The following TULP4 variants were observed in gnomAD, a reference collection of about 807,000 sequenced individuals.
The protein encoded by TULP4 is TUB like protein 4, also known as tubby-related protein 4.
A neutral mutation model predicts 129.0 loss-of-function variants in TULP4; 16 were observed. That is an observed-to-expected ratio of 0.12 (90% CI 0.08 to 0.19). The LOEUF is 0.19. Among genes scored for constraint, TULP4 ranks in the 10% least tolerant of loss-of-function variants. TULP4 has a pLI of 1.00. For synonymous variants in TULP4, 998 were observed against 854.0 expected (o/e 1.17, Z -2.94); for missense variants, 1,842 against 2,059.1 (o/e 0.89, Z 2.04).
chr6:158,424,017 A>G (rs992240614), intron 2 of TULP4, among the ~76,000 whole-genome samples: 2 of 152,146 alleles, frequency 1.3e-5, no homozygotes, highest in Non-Finnish European at 2.9e-5. Context: ...TGAAGTACAC[A>G]TATCTGATAA....
chr6:158,486,422 G>A (rs916342083), intron 8 of TULP4, among the ~76,000 whole-genome samples: 2 of 152,042 alleles, frequency 1.3e-5, no homozygotes, highest in Non-Finnish European at 2.9e-5. Context: ...GCGTGGTGGC[G>A]GGTGCATGTA....
chr6:158,266,589 A>T (rs1482413424), intron 1 of TULP4, among the ~76,000 whole-genome samples: 1 of 152,204 alleles, frequency 6.6e-6, no homozygotes, highest in African/African-American at 2.4e-5. Context: ...TAAAGTATAT[A>T]GTTGGCTCTA....
chr6:158,359,406 G>T (rs542135117), intron 1 of TULP4, among the ~76,000 whole-genome samples: 17 of 152,250 alleles, frequency 1.1e-4, no homozygotes, highest in East Asian at 9.7e-4. Flanking sequence ...TAACTCACAC[G>T]ATCACAAGGT....
intron 1 of TULP4, among the ~76,000 whole-genome samples, chr6:158,381,268 G>T (rs968166260): frequency 6.6e-6 from 1 of 151,624 alleles, no homozygotes; most frequent in Non-Finnish European, 1.5e-5. Flanking sequence ...AATATCATCT[G>T]AGCGTCTGTT....
Position 158,461,584 on chromosome 6 carries a change from C to T in TULP4, c.881C>T (p.Thr294Ile), listed in dbSNP as rs1316703125. ...TCAGAGGTGGTAGCCCAGTGGTGCA[C>T]ACAGGGGGACTTGCTGGCAGTCGCT... ...GLKEVVAQWC[T>I]QGDLLAVAGM... Residue 294 changes from threonine (T) to isoleucine (I), a missense_variant, in exon 6 of 14, where the codon ACA becomes ATA. Thr to Ile is a moderately conservative substitution (Grantham distance 89). Coordinates refer to ENST00000367097, the MANE Select transcript of TULP4 (RefSeq NM_020245.5). The T allele has an allele frequency of 6.2e-7, 1 of 1,613,628 alleles. No individual in the cohort carries two copies. Among genetic ancestry groups the T allele is most frequent in the Non-Finnish European group, 8.5e-7 (1 of 1,179,814 alleles).
chr6:158,421,683 T>C (rs902210033), intron 2 of TULP4, among the ~76,000 whole-genome samples: 2 of 152,210 alleles, frequency 1.3e-5, no homozygotes, highest in Non-Finnish European at 2.9e-5. Context: ...AGAGATTCTT[T>C]ACAGATGCAA....
chr6:158,462,806 G>A (rs1224807175), intron 6 of TULP4, among the ~76,000 whole-genome samples: 3 of 144,204 alleles, frequency 2.1e-5, no homozygotes, highest in Non-Finnish European at 3.0e-5. Flanking sequence ...CTGGAGTGCA[G>A]TGGCGCCATC....
At chr6:158,366,665 C>T (rs1450815713) in intron 1 of TULP4, among the ~76,000 whole-genome samples, 1 of 152,190 alleles carries the variant, frequency 6.6e-6, no homozygotes, top group Non-Finnish European at 1.5e-5. Flanking sequence ...TGTTGTTGTA[C>T]CATGTGTCTT....
chr6:158,359,893 C>G (rs1029224166), intron 1 of TULP4, among the ~76,000 whole-genome samples: 1 of 152,110 alleles, frequency 6.6e-6, no homozygotes, highest in Non-Finnish European at 1.5e-5. Context: ...TGGGCCTGTC[C>G]CTGTGGACTG....
intron 5 of TULP4, among the ~76,000 whole-genome samples, chr6:158,456,582 C>T (rs1339540654): frequency 6.6e-6 from 1 of 152,146 alleles, no homozygotes; most frequent in Non-Finnish European, 1.5e-5. Flanking sequence ...GCCTGTAATC[C>T]CAGCACTTTG....
At chr6:158,314,752 G>A (rs985659433) in intron 1 of TULP4, among the ~76,000 whole-genome samples, 17 of 152,150 alleles carry the variant, frequency 1.1e-4, no homozygotes, top group African/African-American at 3.1e-4. Flanking sequence ...CTTAACACTT[G>A]GCTTGTATGT....
chr6:158,466,155 G>A (rs949030314), intron 6 of TULP4, among the ~76,000 whole-genome samples: 3 of 152,174 alleles, frequency 2.0e-5, no homozygotes, highest in Non-Finnish European at 4.4e-5. Context: ...TTCCAGATGG[G>A]AGGGAGTATA....
At chr6:158,364,131 A>G (rs1583797925) in intron 1 of TULP4, among the ~76,000 whole-genome samples, 2 of 152,192 alleles carry the variant, frequency 1.3e-5, no homozygotes, top group South Asian at 4.2e-4. Context: ...ATCACACTTC[A>G]AGGAAGTTTT....
chr6:158,313,778 T>A lies in TULP4; in HGVS notation c.-239T>A. The A allele has an allele frequency of 1.9e-6, 1 of 519,990 alleles. No homozygotes were observed. Among genetic ancestry groups the A allele is most frequent in the Non-Finnish European group, 3.3e-6 (1 of 298,782 alleles). The allele number at this position is 519,990 out of a possible 1,614,324, so 32.2% of individuals were successfully genotyped here. A position where few individuals can be genotyped will look rare whatever the true frequency, so the allele number is the denominator to read the frequency against. On this transcript the variant is annotated 5_prime_UTR_variant, in exon 1 of 14. It removes the in-frame stop codon of an upstream open reading frame in the 5' UTR. Transcript: ENST00000367097. Reference sequence around the variant, plus strand: ...AATACAAATGGACCCCATGTTTTTTTAAGCATTACCTTTTCTTAGAAGACT... The same window carrying A: ...AATACAAATGGACCCCATGTTTTTTAAAGCATTACCTTTTCTTAGAAGACT...
At chr6:158,377,284 T>C (rs549422042) in intron 1 of TULP4, among the ~76,000 whole-genome samples, 1 of 152,272 alleles carries the variant, frequency 6.6e-6, no homozygotes, top group African/African-American at 2.4e-5. Context: ...AACAGGTGAG[T>C]GATAACACCC....
At chr6:158,364,695 T>C (rs530119703) in intron 1 of TULP4, among the ~76,000 whole-genome samples, 3 of 152,306 alleles carry the variant, frequency 2.0e-5, no homozygotes, top group Admixed American at 6.5e-5. Flanking sequence ...TTATCCTTAA[T>C]GTTTTGCAGC....
At chr6:158,382,524 T>C (rs949917357) in intron 1 of TULP4, among the ~76,000 whole-genome samples, 1 of 152,198 alleles carries the variant, frequency 6.6e-6, no homozygotes, top group Non-Finnish European at 1.5e-5. Context: ...GAGAAAACTT[T>C]GGAGTCCAGC....
Position 158,479,963 on chromosome 6 carries a change from C to T in TULP4, c.1239C>T (p.Ile413=), listed in dbSNP as rs1320273073. The T allele has an allele frequency of 6.2e-7, 1 of 1,605,914 alleles. No individual in the cohort carries two copies. The highest frequency in any genetic ancestry group is 8.5e-7 in the Non-Finnish European group (1 of 1,178,314). Residue 413 remains isoleucine (I), a synonymous_variant, in exon 7 of 14, where the codon ATC becomes ATT. Coordinates refer to ENST00000367097, the MANE Select transcript of TULP4 (RefSeq NM_020245.5). ...GCTCCTACCTCTCCACTGCCTTCAT[C>T]CCCACCATCAAGGTAAAGCCCTCCA... ...RLCSYLSTAF[I]PTIKPPIPDP...
At chr6:158,312,435 A>G (rs1375708298), upstream of TULP4, 1 of 253,626 alleles carries the variant, frequency 3.9e-6, no homozygotes, top group Non-Finnish European at 7.4e-6. Flanking sequence ...GAACTAAGTG[A>G]GAAGGTGACT....
Sources: gnomAD v4.1 joint callset for allele counts (sites outside exome capture counted in the v4.1 genomes callset) on GRCh38, gnomAD v4.1.1 for gene constraint, MANE v1.5 for transcripts, NCBI Gene and HGNC (gene_info 2026-07-23, HGNC 2026-07-21) for gene names.